SRGAP2C: variants seen among roughly 807,000 people sequenced by gnomAD.
SRGAP2C encodes the protein SLIT-ROBO Rho GTPase-activating protein 2C.
In SRGAP2C, 15 loss-of-function variants were observed where a neutral mutation model predicts 25.1. The ratio of observed to expected loss-of-function variants is 0.60; its 90% CI spans 0.40 to 0.92. The LOEUF (loss-of-function observed/expected upper bound fraction) is 0.92, where lower values mean the gene tolerates loss of function less well. SRGAP2C is among the 40% of genes least tolerant of loss of function. The pLI is 0.00. For synonymous variants in SRGAP2C, 44 were observed against 96.6 expected (o/e 0.46, Z 3.19); for missense variants, 144 against 264.4 (o/e 0.54, Z 3.16).
At chr1:121,205,906 T>TA (rs10706592) in intron 2 of SRGAP2C, among the ~76,000 whole-genome samples, 28 of 113,598 alleles carry the variant, frequency 2.5e-4, no homozygotes, top group South Asian at 3.4e-4. Flanking sequence ...CGAAAGTAGT[T>TA]AAAAAAAAAA....
At position 121,184,984 on chromosome 1, in the gene SRGAP2C, C is replaced by T. The variant is rs1266631784; in HGVS notation, c.-683C>T. ...GGCTCTACTTCCCGGCGGGGTCCTG[C>T]GGAGTTGGCGGAGGCGGCGGAGGCT... On this transcript the variant is annotated 5_prime_UTR_variant, in exon 1 of 10. Coordinates refer to ENST00000367123, the MANE Select transcript of SRGAP2C (RefSeq NM_001329984.2). The T allele has an allele frequency of 1.8e-5, 9 of 511,046 alleles. No homozygotes were observed. The highest frequency in any genetic ancestry group is 1.6e-4 in the South Asian group (5 of 31,180). 31.7% of individuals were successfully genotyped at this position (511,046 alleles called of 1,614,324 possible).
chr1:121,259,552 A>T (rs1288783436), intron 2 of SRGAP2C, among the ~76,000 whole-genome samples: 4 of 147,844 alleles, frequency 2.7e-5, no homozygotes, highest in African/African-American at 1.0e-4. Context: ...GTGAAGATAT[A>T]CTTATATGTT....
chr1:121,358,833 G>A (rs1659121310), intron 4 of SRGAP2C, among the ~76,000 whole-genome samples: 1 of 28,774 alleles, frequency 3.5e-5, no homozygotes, highest in Admixed American at 6.1e-4. Context: ...ATTAGGTTAT[G>A]GTGTGGAAAC....
chr1:121,243,764 T>C (rs372658695), intron 2 of SRGAP2C, among the ~76,000 whole-genome samples: 2 of 137,432 alleles, frequency 1.5e-5, no homozygotes, highest in Non-Finnish European at 3.1e-5. Flanking sequence ...AGAGTGATAT[T>C]TACCATGCAG....
intron 4 of SRGAP2C, among the ~76,000 whole-genome samples, chr1:121,340,611 A>AAT (rs1658630024): frequency 6.7e-6 from 1 of 148,570 alleles, no homozygotes; most frequent in Non-Finnish European, 1.5e-5. Flanking sequence ...ATAGCAATGT[A>AAT]ATGAGTCGTA....
chr1:121,324,532 G>C lies in SRGAP2C; in HGVS notation c.315G>C (p.Gln105His), dbSNP rs1451243548. Residue 105 changes from glutamine to histidine, a missense_variant, in exon 4 of 10, where the codon CAG becomes CAC. By Grantham distance (24) the Gln-to-His change is conservative. Transcript: ENST00000367123. ...PVNCWNLLLN[Q>H]VKWESRDHTT... ...ACTGCTGGAATCTCCTCTTAAACCA[G>C]GTGAAGTGGGAAAGCAGGGACCATA... The C allele has an allele frequency of 4.6e-5, 75 of 1,613,406 alleles. No individual in the cohort carries two copies. The highest frequency in any genetic ancestry group is 1.2e-4 in the Admixed American group (7 of 59,964).
At chr1:121,259,104 TA>T (rs1361072187) in intron 2 of SRGAP2C, among the ~76,000 whole-genome samples, 1 of 107,338 alleles carries the variant, frequency 9.3e-6, no homozygotes, top group Admixed American at 1.1e-4. Context: ...CTGATATTAT[TA>T]ATTTATCCTG....
In SRGAP2C at chr1:121,222,586, C is replaced by G. The variant is rs587693248; in HGVS notation, c.67+35073C>G. ...CGAGGCTACGGTGCTGTAATCATGC[C>G]TCTACACTCTGGCCTGGGTGAAAGA... is the stretch of plus-strand genomic sequence containing the variant. On this transcript the variant is annotated intron_variant, in intron 2 of 9. Coordinates refer to ENST00000367123, the MANE Select transcript of SRGAP2C (RefSeq NM_001329984.2). Among the ~76,000 whole-genome samples, 4 of 152,240 alleles carry G rather than the reference C, an allele frequency of 2.6e-5. No homozygotes were observed. The East Asian group carries it at 7.7e-4, about 29-fold the overall frequency.
In SRGAP2C at chr1:121,264,611, G is replaced by A. The variant is rs587653915; in HGVS notation, c.68-20192G>A. ...CTGTTGCCTCTGGGCCTTTGAACAT[G>A]CTGTTGGCTGGAGTACTTTTCCTGC... On this transcript the variant is annotated intron_variant, in intron 2 of 9. Coordinates refer to ENST00000367123, the MANE Select transcript of SRGAP2C (RefSeq NM_001329984.2). Among the ~76,000 whole-genome samples the A allele has an allele frequency of 2.4e-3, 359 of 149,552 alleles. 1 individual carries two copies. The highest frequency in any genetic ancestry group is 4.7e-3 in the Non-Finnish European group (314 of 67,200).
At chr1:121,346,770 G>A (rs1553343999) in intron 4 of SRGAP2C, among the ~76,000 whole-genome samples, 2 of 151,858 alleles carry the variant, frequency 1.3e-5, no homozygotes, top group African/African-American at 4.8e-5. Flanking sequence ...GATTAAACTG[G>A]CAGGCAGATG....
At position 121,267,262 on chromosome 1, in the gene SRGAP2C, C is replaced by T. The variant is rs1474551540; in HGVS notation, c.68-17541C>T. Among the ~76,000 whole-genome samples the T allele has an allele frequency of 1.0e-4, 15 of 150,482 alleles. 1 individual carries two copies. The highest frequency in any genetic ancestry group is 1.9e-4 in the Non-Finnish European group (13 of 67,692). ...AGGCTGGAGTGCAGCGGTGTGATCT[C>T]GGCTCAGTGCAATCTTTGCCTTGTG... is the stretch of plus-strand genomic sequence containing the variant. On this transcript the variant is annotated intron_variant, in intron 2 of 9. Transcript: ENST00000367123.
chr1:121,353,686 AC>A (rs1658980801), intron 4 of SRGAP2C, among the ~76,000 whole-genome samples: 1 of 55,030 alleles, frequency 1.8e-5, no homozygotes, highest in South Asian at 5.8e-4. Flanking sequence ...ATAGTATTGT[AC>A]CAATCTAAGA....
chr1:121,233,029 CTAAG>C (rs1234800383), intron 2 of SRGAP2C, among the ~76,000 whole-genome samples: 1 of 114,882 alleles, frequency 8.7e-6, no homozygotes, highest in Non-Finnish European at 1.8e-5. Flanking sequence ...CTTTAGCCCT[CTAAG>C]TGATCAGATC....
intron 4 of SRGAP2C, among the ~76,000 whole-genome samples, chr1:121,347,552 G>A (rs1341670834): frequency 6.6e-6 from 1 of 152,028 alleles, no homozygotes; most frequent in Non-Finnish European, 1.5e-5. Flanking sequence ...CAAAAGGTCT[G>A]CATGCTCTGG....
intron 7 of SRGAP2C, among the ~76,000 whole-genome samples, chr1:121,378,792 G>C (rs1489932362): frequency 2.1e-4 from 32 of 152,224 alleles, no homozygotes; most frequent in African/African-American, 7.0e-4. Context: ...TAAGTGAAAA[G>C]AAGTTATTTT....
In SRGAP2C at chr1:121,263,430, C is replaced by CAAAA. The variant is rs1182973540; in HGVS notation, c.68-21356_68-21353dup. 2.8e-3 allele frequency among the ~76,000 whole-genome samples: 249 copies of CAAAA among 87,764 alleles called. 4 individuals carry two copies. The highest frequency in any genetic ancestry group is 6.1e-3 in the Middle Eastern group (1 of 164). 57.6% of individuals were successfully genotyped at this position (87,764 alleles called of 152,430 possible). A position where few individuals can be genotyped will look rare whatever the true frequency, so the allele number is the denominator to read the frequency against. ...TGGGCGACAGAGTGAGACTCCGTCTCAAAAAAAAAAAAAAAAAAAACTTCA... is the reference window on the plus strand; with the variant it reads ...TGGGCGACAGAGTGAGACTCCGTCTCAAAAAAAAAAAAAAAAAAAAAAAACTTCA... On this transcript the variant is annotated intron_variant, in intron 2 of 9. Transcript: ENST00000367123.
At chr1:121,328,482 G>A (rs1220596065) in intron 4 of SRGAP2C, among the ~76,000 whole-genome samples, 2 of 152,062 alleles carry the variant, frequency 1.3e-5, no homozygotes, top group African/African-American at 4.8e-5. Flanking sequence ...ATCATGTTAA[G>A]CACTTTATAT....
At chr1:121,207,467 A>G (rs1323092714) in intron 2 of SRGAP2C, among the ~76,000 whole-genome samples, 1 of 151,706 alleles carries the variant, frequency 6.6e-6, no homozygotes, top group African/African-American at 2.4e-5. Context: ...CAGCTAATGA[A>G]CAAGTTCTTT....
intron 2 of SRGAP2C, among the ~76,000 whole-genome samples, chr1:121,207,923 G>T (rs1261190132): frequency 1.1e-4 from 16 of 152,120 alleles, no homozygotes; most frequent in African/African-American, 3.9e-4. Flanking sequence ...CCACAGTTTG[G>T]TAGAAAAAAG....
Sources: allele counts gnomAD v4.1 joint callset (sites outside exome capture counted in the v4.1 genomes callset), GRCh38; gene constraint gnomAD v4.1.1; transcripts MANE v1.5; gene names NCBI Gene and HGNC (gene_info 2026-07-23, HGNC 2026-07-21).